The following TMEM108 variants were observed in gnomAD, a reference collection of about 807,000 sequenced individuals.
TMEM108 encodes cancer/testis antigen 124.
TMEM108 carries 12 observed loss-of-function variants against 35.1 expected under a neutral mutation model. The observed-to-expected ratio is 0.34, with a 90% CI of 0.22 to 0.55. The LOEUF (loss-of-function observed/expected upper bound fraction) is 0.55. Ranked by LOEUF, TMEM108 falls within the 20% of genes least tolerant of loss-of-function variation. The pLI, the probability that TMEM108 is intolerant of heterozygous loss-of-function variation, is 0.89. For synonymous variants in TMEM108, 287 were observed against 308.6 expected (o/e 0.93, Z 0.73); for missense variants, 680 against 753.3 (o/e 0.90, Z 1.14).
intron 2 of TMEM108, among the ~76,000 whole-genome samples, chr3:133,173,495 G>C (rs1945161193): frequency 6.6e-6 from 1 of 152,102 alleles, no homozygotes; most frequent in African/African-American, 2.4e-5. Flanking sequence ...TTGACTTATG[G>C]AAAAAAGAAA....
rs1197300 is a variant in TMEM108 at position 133,396,049 on chromosome 3, C to T, written c.*63C>T. 1 allele frequency: 1,220,987 copies of T among 1,221,018 alleles called. 610,478 individuals are homozygous for T. Among genetic ancestry groups the T allele is most frequent in the Middle Eastern group, 1 (3,256 of 3,256 alleles). The allele number at this position is 1,221,018 out of a possible 1,614,324, so 75.6% of individuals were successfully genotyped here. On this transcript the variant is annotated 3_prime_UTR_variant, in exon 6 of 6. Coordinates refer to ENST00000321871, the MANE Select transcript of TMEM108 (RefSeq NM_023943.4). The stretch of plus-strand genomic sequence containing the variant: ...TCTCTAAATTATAAATATACAAATA[C>T]ATATATTATAAATATAACCTTTGTG...
At chr3:133,259,912 C>T (rs531279731) in intron 3 of TMEM108, among the ~76,000 whole-genome samples, 10 of 152,164 alleles carry the variant, frequency 6.6e-5, no homozygotes, top group African/African-American at 2.4e-4. Flanking sequence ...ACAGAAGGCT[C>T]TTCAGAGTCC....
At chr3:133,313,679 G>C (rs1010597976) in intron 3 of TMEM108, among the ~76,000 whole-genome samples, 2 of 152,090 alleles carry the variant, frequency 1.3e-5, no homozygotes, top group Non-Finnish European at 2.9e-5. Context: ...CTTCATTGAT[G>C]TTAATTTTCA....
At chr3:133,247,382 T>A (rs1946402101) in intron 3 of TMEM108, 1 of 152,182 alleles carries the variant, frequency 6.6e-6, no homozygotes, top group African/African-American at 2.4e-5. Flanking sequence ...TACCTGCCCA[T>A]GTTTTAGGAG....
rs112927681 is a variant in TMEM108, at chr3:133,229,156, T to G, written c.-46-110T>G. On this transcript the variant is annotated intron_variant, in intron 2 of 5. Coordinates refer to ENST00000321871, the MANE Select transcript of TMEM108 (RefSeq NM_023943.4). ...TATTTATCCCAAGATTTTTTCTCTTTGAAATTGGGTAAGTTAGGCATTATA... is the reference window on the plus strand; with the variant it reads ...TATTTATCCCAAGATTTTTTCTCTTGGAAATTGGGTAAGTTAGGCATTATA... The G allele has an allele frequency of 1.9e-5, 12 of 635,382 alleles. No individual in the cohort carries two copies. In the Admixed American group the frequency reaches 1.9e-4, roughly 10 times the overall value. 39.4% of individuals were successfully genotyped at this position (635,382 alleles called of 1,614,324 possible). A position where few individuals can be genotyped will look rare whatever the true frequency, so the allele number is the denominator to read the frequency against.
chr3:133,274,533 A>G (rs34221030), intron 3 of TMEM108, among the ~76,000 whole-genome samples: 31,180 of 152,110 alleles, frequency 0.2, 3,988 homozygotes, highest in Middle Eastern at 0.31. Flanking sequence ...TTGTCCCCCA[A>G]AGTAGCTGGT....
chr3:133,158,428 A>T (rs918878839), intron 2 of TMEM108, among the ~76,000 whole-genome samples: 5 of 139,812 alleles, frequency 3.6e-5, no homozygotes, highest in African/African-American at 1.3e-4. Flanking sequence ...AGATCGCGCC[A>T]CTGCACTCTA....
At chr3:133,133,154 G>GCAGC (rs1156986602) in intron 2 of TMEM108, among the ~76,000 whole-genome samples, 2 of 102,904 alleles carry the variant, frequency 1.9e-5, no homozygotes, top group Non-Finnish European at 3.9e-5. Context: ...AAACTTAGTT[G>GCAGC]ATGCAGCAGC....
intron 2 of TMEM108, among the ~76,000 whole-genome samples, chr3:133,192,281 T>G (rs1945509457): frequency 6.6e-6 from 1 of 152,200 alleles, no homozygotes; most frequent in African/African-American, 2.4e-5. Context: ...TGAAACTAGT[T>G]TACTCCTCTT....
chr3:133,231,616 G>A (rs1280178332), intron 3 of TMEM108, among the ~76,000 whole-genome samples: 3 of 152,246 alleles, frequency 2.0e-5, no homozygotes, highest in Non-Finnish European at 4.4e-5. Context: ...ATGCCACATT[G>A]TACTATCTGA....
chr3:133,344,590 A>G (rs1576475869), intron 3 of TMEM108, among the ~76,000 whole-genome samples: 1 of 151,872 alleles, frequency 6.6e-6, no homozygotes, highest in East Asian at 1.9e-4. Context: ...GAATTTAAAG[A>G]AGATATGAAG....
intron 2 of TMEM108, among the ~76,000 whole-genome samples, chr3:133,135,428 T>C (rs1025892693): frequency 3.3e-5 from 5 of 152,210 alleles, no homozygotes; most frequent in African/African-American, 9.7e-5. Context: ...TGGAAGGCTA[T>C]GAGTATATTC....
chr3:133,113,512 T>A (rs1279828337), intron 2 of TMEM108, among the ~76,000 whole-genome samples: 2 of 152,174 alleles, frequency 1.3e-5, no homozygotes, highest in Non-Finnish European at 2.9e-5. Flanking sequence ...TTTATGCATG[T>A]TTATATCATA....
rs1946117041 is a variant in TMEM108 at position 133,229,249 on chromosome 3, T to G, written c.-46-17T>G. On this transcript the variant is annotated splice_polypyrimidine_tract_variant and intron_variant, in intron 2 of 5. Transcript: ENST00000321871. ...ATGTTCCTCAGATGTAACAATTTTC[T>G]TCTCCCAATTTCCTAGACAGAATCA... The G allele has an allele frequency of 6.5e-7, 1 of 1,529,472 alleles. No individual in the cohort carries two copies. Among genetic ancestry groups the G allele is most frequent in the Non-Finnish European group, 9.0e-7 (1 of 1,113,988 alleles). 94.7% of individuals were successfully genotyped at this position (1,529,472 alleles called of 1,614,324 possible). A position where few individuals can be genotyped will look rare whatever the true frequency, so the allele number is the denominator to read the frequency against.
chr3:133,055,068 A>C (rs2107677527), intron 2 of TMEM108, among the ~76,000 whole-genome samples: 1 of 152,312 alleles, frequency 6.6e-6, no homozygotes, highest in Non-Finnish European at 1.5e-5. Context: ...CAGCAGAGAT[A>C]AAACATTTGC....
intron 2 of TMEM108, among the ~76,000 whole-genome samples, chr3:133,200,400 A>G (rs1450530185): frequency 6.6e-6 from 1 of 152,176 alleles, no homozygotes; most frequent in East Asian, 1.9e-4. Context: ...CAGCCAAGAG[A>G]GAAGTTCTGA....
At chr3:133,156,033 G>A (rs1247144503) in intron 2 of TMEM108, among the ~76,000 whole-genome samples, 1 of 133,186 alleles carries the variant, frequency 7.5e-6, no homozygotes, top group Non-Finnish European at 1.7e-5. Context: ...GTAAGGTGAG[G>A]GTCCAGTTTC....
intron 2 of TMEM108, among the ~76,000 whole-genome samples, chr3:133,067,538 G>C (rs1473722829): frequency 1.3e-5 from 2 of 152,098 alleles, no homozygotes; most frequent in Non-Finnish European, 2.9e-5. Flanking sequence ...GCTACTACTT[G>C]CTTACATTAA....
At chr3:133,256,658 C>G (rs1249605480) in intron 3 of TMEM108, among the ~76,000 whole-genome samples, 1 of 151,930 alleles carries the variant, frequency 6.6e-6, no homozygotes, top group African/African-American at 2.4e-5. Flanking sequence ...TACTAAAAGA[C>G]ATAGAATTCA....
Sources: gnomAD v4.1 joint callset for allele counts (sites outside exome capture counted in the v4.1 genomes callset) on GRCh38, gnomAD v4.1.1 for gene constraint, MANE v1.5 for transcripts, NCBI Gene and HGNC (gene_info 2026-07-23, HGNC 2026-07-21) for gene names.